PRDM16: variants seen among roughly 807,000 people sequenced by gnomAD.
PRDM16 encodes PR/SET domain 16.
PRDM16 carries 23 observed loss-of-function variants against 110.6 expected under a neutral mutation model. That is an observed-to-expected ratio of 0.21 (90% CI 0.15 to 0.29). The LOEUF (loss-of-function observed/expected upper bound fraction) is 0.29. Among genes scored for constraint, PRDM16 ranks in the 10% least tolerant of loss-of-function variants. The pLI is 1.00. For synonymous variants in PRDM16, 799 were observed against 781.8 expected (o/e 1.02, Z -0.37); for missense variants, 1,615 against 1,794.3 (o/e 0.90, Z 1.81).
intron 15 of PRDM16, 103 bp downstream of exon 15, chr1:3,431,211 C>G: frequency 6.8e-7 from 1 of 1,475,064 alleles, no homozygotes; most frequent in Non-Finnish European, 9.0e-7. Flanking sequence ...ATCCCTGGCT[C>G]AGCCCCTACT....
chr1:3,363,991 G>A lies in PRDM16; in HGVS notation c.439-21161G>A, dbSNP rs534009391. The stretch of plus-strand genomic sequence containing the variant: ...CCCGCCCCCCGAGCCAGCCCGCTAC[G>A]CACACCTTAGCCCTTCATGAGTTCC... On this transcript the variant is annotated intron_variant, in intron 3 of 16. Transcript: ENST00000270722. Among the ~76,000 whole-genome samples the A allele has an allele frequency of 5.1e-4, 77 of 151,994 alleles. 1 individual carries two copies. The South Asian group carries it at 0.014, about 29-fold the overall frequency.
intron 3 of PRDM16, among the ~76,000 whole-genome samples, chr1:3,320,693 C>T (rs1056658331): frequency 2.0e-5 from 3 of 152,326 alleles, no homozygotes; most frequent in Admixed American, 6.5e-5. Flanking sequence ...CCCTTGGCCC[C>T]GCACAAAGGT....
At chr1:3,144,080 C>T (rs1164961218) in intron 1 of PRDM16, among the ~76,000 whole-genome samples, 1 of 152,228 alleles carries the variant, frequency 6.6e-6, no homozygotes, top group African/African-American at 2.4e-5. Context: ...CATGACTCTA[C>T]AGGCCTGTGC....
intron 3 of PRDM16, among the ~76,000 whole-genome samples, chr1:3,288,858 G>A (rs928039143): frequency 6.6e-6 from 1 of 152,154 alleles, no homozygotes; most frequent in Non-Finnish European, 1.5e-5. Flanking sequence ...CCTTCTGGGG[G>A]AGGAAGTAGG....
At position 3,069,234 on chromosome 1, in the gene PRDM16, GGA is replaced by G; in HGVS notation, c.-19_-18del. On this transcript the variant is annotated 5_prime_UTR_variant, in exon 1 of 17. Coordinates refer to ENST00000270722, the MANE Select transcript of PRDM16 (RefSeq NM_022114.4). The surrounding 1 kb of genome is among the most constrained non-coding windows in gnomAD (Gnocchi z 6.1). ...TGGCTGCTTCTGGACTCAAGGAGGA[GGA>G]GAGAGATTCCGCGAGCCGACACCAT... The G allele has an allele frequency of 6.3e-7, 1 of 1,579,270 alleles. No individual in the cohort carries two copies. Among genetic ancestry groups the G allele is most frequent in the Non-Finnish European group, 8.6e-7 (1 of 1,163,384 alleles).
chr1:3,181,359 C>CAGTCTTACACACGGCCTTACGCAT (rs1644175571), intron 1 of PRDM16, among the ~76,000 whole-genome samples: 2 of 42,118 alleles, frequency 4.7e-5, no homozygotes, highest in African/African-American at 6.9e-5. Context: ...GTCTTACACA[C>CAGTCTTACACACGGCCTTACGCAT]GGTCTTACAC....
intron 3 of PRDM16, among the ~76,000 whole-genome samples, chr1:3,310,690 C>G (rs995038276): frequency 7.2e-5 from 11 of 152,240 alleles, no homozygotes; most frequent in Admixed American, 7.2e-4. Flanking sequence ...CCTTCCTCCT[C>G]TGCCAACTCT....
chr1:3,322,091 T>G (rs1394596420), intron 3 of PRDM16, among the ~76,000 whole-genome samples: 1 of 151,684 alleles, frequency 6.6e-6, no homozygotes, highest in African/African-American at 2.4e-5. Flanking sequence ...GCTGCACATA[T>G]GTGTGCGGCT....
In PRDM16 at chr1:3,437,772, TA is replaced by T; in HGVS notation, c.*3965del. On this transcript the variant is annotated 3_prime_UTR_variant, in exon 17 of 17. Coordinates refer to ENST00000270722, the MANE Select transcript of PRDM16 (RefSeq NM_022114.4). Reference sequence around the variant, plus strand: ...GGAAAAAAATAAATAAATAAATAAATAAAAGGCAGCTTGAGTTTCCAAACGT... The same window carrying T: ...GGAAAAAAATAAATAAATAAATAAATAAAGGCAGCTTGAGTTTCCAAACGT... The T allele has an allele frequency of 4.6e-6, 1 of 218,328 alleles. No individual in the cohort carries two copies. Among genetic ancestry groups the T allele is most frequent in the Non-Finnish European group, 9.2e-6 (1 of 108,746 alleles). The allele number at this position is 218,328 out of a possible 1,614,324, so 13.5% of individuals were successfully genotyped here.
chr1:3,420,468 C>T (rs989291945), intron 12 of PRDM16, among the ~76,000 whole-genome samples: 6 of 152,318 alleles, frequency 3.9e-5, no homozygotes, highest in South Asian at 2.1e-4. Flanking sequence ...GTCGGGCTGA[C>T]GCAGCCCCGC....
intron 3 of PRDM16, among the ~76,000 whole-genome samples, chr1:3,247,412 C>T (rs1448675915): frequency 1.3e-5 from 2 of 152,166 alleles, no homozygotes; most frequent in African/African-American, 2.4e-5. Flanking sequence ...CAGGCGAGGG[C>T]GGCCGGGCCG....
At chr1:3,155,732 T>G (rs1023325494) in intron 1 of PRDM16, among the ~76,000 whole-genome samples, 2 of 152,192 alleles carry the variant, frequency 1.3e-5, no homozygotes, top group African/African-American at 4.8e-5. Context: ...CACCTTTTAT[T>G]CAAATAAAAT....
intron 3 of PRDM16, among the ~76,000 whole-genome samples, chr1:3,278,183 T>G (rs773621213): frequency 8.5e-5 from 13 of 152,114 alleles, no homozygotes; most frequent in Non-Finnish European, 1.8e-4. Context: ...CCTCGCCTGG[T>G]TTTCCAGCCT....
At chr1:3,252,658 G>C (rs1465618127) in intron 3 of PRDM16, among the ~76,000 whole-genome samples, 5 of 152,138 alleles carry the variant, frequency 3.3e-5, no homozygotes, top group Non-Finnish European at 7.4e-5. Context: ...CCAGGAGAAG[G>C]TTGTAGATCC....
intron 3 of PRDM16, among the ~76,000 whole-genome samples, chr1:3,250,160 T>C (rs1354927464): frequency 1.7e-5 from 2 of 118,128 alleles, no homozygotes; most frequent in Admixed American, 1.0e-4. Flanking sequence ...TTTTCACAAC[T>C]GTTGCGGCTT....
At chr1:3,077,315 G>A (rs1020751969) in intron 1 of PRDM16, among the ~76,000 whole-genome samples, 2 of 152,182 alleles carry the variant, frequency 1.3e-5, no homozygotes, top group African/African-American at 4.8e-5. Context: ...TCTGCATCGT[G>A]TGTGTGTCCC....
chr1:3,295,527 G>A (rs1641068296), intron 3 of PRDM16, among the ~76,000 whole-genome samples: 1 of 152,142 alleles, frequency 6.6e-6, no homozygotes, highest in Admixed American at 6.5e-5. Context: ...AGGTGTGCAG[G>A]TAGCCATGCA....
chr1:3,072,916 A>G (rs1347588873), intron 1 of PRDM16, among the ~76,000 whole-genome samples: 2 of 152,234 alleles, frequency 1.3e-5, no homozygotes, highest in Non-Finnish European at 2.9e-5. Flanking sequence ...CAGGTGTGCC[A>G]TGGCTCGGAA....
At chr1:3,316,190 T>A (rs1041035152) in intron 3 of PRDM16, among the ~76,000 whole-genome samples, 26 of 149,132 alleles carry the variant, frequency 1.7e-4, no homozygotes, top group African/African-American at 7.4e-5. Context: ...AAGTGGCAAG[T>A]CCAGGGCCAC....
Sources: gnomAD v4.1 joint callset for allele counts (sites outside exome capture counted in the v4.1 genomes callset) on GRCh38, gnomAD v4.1.1 for gene constraint, Gnocchi (gnomAD v3.1) non-coding constraint, MANE v1.5 for transcripts, NCBI Gene and HGNC (gene_info 2026-07-23, HGNC 2026-07-21) for gene names.